Variants in ADGRL3 observed in about 807,000 individuals in gnomAD.
ADGRL3 encodes adhesion G protein-coupled receptor L3, also known as calcium-independent alpha-latrotoxin receptor 3.
A neutral mutation model predicts 153.5 loss-of-function variants in ADGRL3; 62 were observed. The observed-to-expected ratio is 0.40, with a 90% CI of 0.33 to 0.50. The LOEUF is 0.50. Ranked by LOEUF, ADGRL3 falls within the 20% of genes least tolerant of loss-of-function variation. The pLI is 0.47. For synonymous variants in ADGRL3, 710 were observed against 672.5 expected, an observed-to-expected ratio of 1.06 and a Z score of -0.86; for missense variants, 1,641 against 1,859.4, an observed-to-expected ratio of 0.88 and a Z score of 2.16.
chr4:62,030,063 A>G (rs142848423), intron 22 of ADGRL3, among the ~76,000 whole-genome samples: 354 of 151,678 alleles, frequency 2.3e-3, no homozygotes, highest in African/African-American at 8.3e-3. Context: ...TTTCAATTAA[A>G]CATGTTAAAT....
intron 5 of ADGRL3, among the ~76,000 whole-genome samples, chr4:61,674,891 T>C (rs1488762301): frequency 6.6e-6 from 1 of 151,974 alleles, no homozygotes; most frequent in Non-Finnish European, 1.5e-5. Flanking sequence ...GATAACATAT[T>C]TGTGGTGCAT....
chr4:61,604,639 G>T (rs895085636), intron 5 of ADGRL3, among the ~76,000 whole-genome samples: 1 of 152,034 alleles, frequency 6.6e-6, no homozygotes, highest in Non-Finnish European at 1.5e-5. Flanking sequence ...AAAAATAATT[G>T]CTGCAGTTTT....
intron 9 of ADGRL3, among the ~76,000 whole-genome samples, chr4:61,840,544 G>A (rs977563187): frequency 6.6e-6 from 1 of 152,042 alleles, no homozygotes; most frequent in African/African-American, 2.4e-5. Context: ...CTTCAACTGC[G>A]GAAATACTAC....
At chr4:61,716,878 T>C (rs1357754513) in intron 6 of ADGRL3, among the ~76,000 whole-genome samples, 2 of 152,152 alleles carry the variant, frequency 1.3e-5, no homozygotes, top group Non-Finnish European at 2.9e-5. Flanking sequence ...TCTTTCCTTT[T>C]ATTATGTAGG....
At chr4:61,254,447 T>C (rs1335993471) in intron 1 of ADGRL3, among the ~76,000 whole-genome samples, 2 of 152,210 alleles carry the variant, frequency 1.3e-5, no homozygotes, top group African/African-American at 2.4e-5. Flanking sequence ...AAATCTTGAA[T>C]GCTAAAGAGA....
At chr4:61,480,523 C>T (rs1240807401) in intron 2 of ADGRL3, among the ~76,000 whole-genome samples, 6 of 152,218 alleles carry the variant, frequency 3.9e-5, no homozygotes, top group South Asian at 2.1e-4. Context: ...TGGTGGCTCA[C>T]GCCTATAATT....
intron 1 of ADGRL3, among the ~76,000 whole-genome samples, chr4:61,276,435 T>C (rs1454781562): frequency 2.6e-5 from 4 of 152,226 alleles, no homozygotes; most frequent in Non-Finnish European, 5.9e-5. Flanking sequence ...AATTCTGCTA[T>C]ATATGAATTT....
At chr4:61,754,780 C>G (rs565218240) in intron 8 of ADGRL3, among the ~76,000 whole-genome samples, 230 of 152,226 alleles carry the variant, frequency 1.5e-3, no homozygotes, top group African/African-American at 5.2e-3. Flanking sequence ...TCCCCCCACA[C>G]CAAAATAGGC....
intron 8 of ADGRL3, among the ~76,000 whole-genome samples, chr4:61,798,028 T>C (rs1016420112): frequency 1.3e-5 from 2 of 152,202 alleles, no homozygotes; most frequent in African/African-American, 4.8e-5. Flanking sequence ...AGAGTGAGGA[T>C]GATGTAATGA....
At chr4:61,917,317 A>G (rs1405393922) in intron 13 of ADGRL3, among the ~76,000 whole-genome samples, 4 of 152,188 alleles carry the variant, frequency 2.6e-5, no homozygotes, top group Non-Finnish European at 4.4e-5. Context: ...TATTTCAGGG[A>G]TGGAATGCAG....
chr4:61,254,803 C>T (rs577190435), intron 1 of ADGRL3, among the ~76,000 whole-genome samples: 3 of 152,246 alleles, frequency 2.0e-5, no homozygotes, highest in East Asian at 1.9e-4. Context: ...TCTGCACACT[C>T]GAAACTTAGT....
At chr4:61,505,195 T>G (rs1278099783) in intron 3 of ADGRL3, among the ~76,000 whole-genome samples, 3 of 152,206 alleles carry the variant, frequency 2.0e-5, no homozygotes, top group Non-Finnish European at 2.9e-5. Flanking sequence ...ACTTCTCTGA[T>G]GATTAGTGAT....
At chr4:61,814,207 C>T (rs1480625932) in intron 9 of ADGRL3, among the ~76,000 whole-genome samples, 1 of 151,176 alleles carries the variant, frequency 6.6e-6, no homozygotes, top group Non-Finnish European at 1.5e-5. Context: ...TTACTGGGAC[C>T]TTCTTTTTCT....
chr4:61,987,231 T>C (rs1051625712), intron 19 of ADGRL3, among the ~76,000 whole-genome samples: 1 of 151,834 alleles, frequency 6.6e-6, no homozygotes, highest in Non-Finnish European at 1.5e-5. Context: ...AATGGCACGA[T>C]CTTGGCTCAC....
intron 8 of ADGRL3, among the ~76,000 whole-genome samples, chr4:61,809,746 G>A (rs1009792835): frequency 6.6e-6 from 1 of 151,548 alleles, no homozygotes; most frequent in Admixed American, 6.6e-5. Context: ...GGTGTTTTAT[G>A]TATGCCAAAC....
intron 19 of ADGRL3, among the ~76,000 whole-genome samples, chr4:61,988,010 T>A (rs894876151): frequency 1.9e-4 from 29 of 152,254 alleles, no homozygotes; most frequent in African/African-American, 7.0e-4. Flanking sequence ...AATTGTTTCG[T>A]AGGTTAAATA....
intron 6 of ADGRL3, among the ~76,000 whole-genome samples, chr4:61,700,917 A>G (rs1274839018): frequency 6.6e-6 from 1 of 152,216 alleles, no homozygotes; most frequent in African/African-American, 2.4e-5. Flanking sequence ...AGTTAATTTA[A>G]TTCTTAAAAC....
intron 8 of ADGRL3, among the ~76,000 whole-genome samples, chr4:61,798,581 G>A (rs2097443746): frequency 6.6e-6 from 1 of 151,306 alleles, no homozygotes; most frequent in Non-Finnish European, 1.5e-5. Context: ...AGGAAAGTAG[G>A]ACTCATTTAT....
intron 25 of ADGRL3, among the ~76,000 whole-genome samples, chr4:62,055,784 T>C (rs921445759): frequency 4.6e-5 from 7 of 151,760 alleles, no homozygotes; most frequent in Admixed American, 3.3e-4. Context: ...TGTTTATGTG[T>C]GTTGATATTG....
Sources: allele counts gnomAD v4.1 joint callset (sites outside exome capture counted in the v4.1 genomes callset), GRCh38; gene constraint gnomAD v4.1.1; transcripts MANE v1.5; gene names NCBI Gene and HGNC (gene_info 2026-07-23, HGNC 2026-07-21).